The following CARMIL1 variants were observed in gnomAD, a reference collection of about 807,000 sequenced individuals.
The protein encoded by CARMIL1 is capping protein regulator and myosin 1 linker 1.
A neutral mutation model predicts 177.1 loss-of-function variants in CARMIL1; 90 were observed. That is an observed-to-expected ratio of 0.51 (90% CI 0.43 to 0.61). CARMIL1 has a LOEUF of 0.61. CARMIL1 is among the 20% of genes least tolerant of loss of function. CARMIL1 has a pLI of 0.00. For synonymous variants in CARMIL1, 577 were observed against 606.2 expected (o/e 0.95, Z 0.71); for missense variants, 1,380 against 1,667.0 (o/e 0.83, Z 3.00).
chr6:25,606,066 A>G lies in CARMIL1; in HGVS notation c.3640A>G (p.Lys1214Glu). ...ERSDGGGAVP[K>E]LHPGLPENRF... ...AGTGGCCTTTTTCATCTTAGTGCCT[A>G]AACTGCACCCAGGTCTTCCAGAGAA... is the stretch of plus-strand genomic sequence containing the variant. Residue 1214 changes from lysine to glutamate, a missense_variant, in exon 35 of 37, where the codon AAA (lysine) becomes GAA (glutamate). Physicochemically the swap from Lys to Glu is moderately conservative, Grantham distance 56. Transcript: ENST00000329474. 6.2e-7 allele frequency: 1 copy of G among 1,612,580 alleles called. No homozygotes were observed. The highest frequency in any genetic ancestry group is 8.5e-7 in the Non-Finnish European group (1 of 1,179,208).
chr6:25,539,008 G>A (rs1447970118), intron 25 of CARMIL1, among the ~76,000 whole-genome samples: 1 of 151,968 alleles, frequency 6.6e-6, no homozygotes, highest in East Asian at 1.9e-4. Flanking sequence ...TATACCTGCA[G>A]AACTCCCCCG....
At chr6:25,550,107 G>A (rs928529253) in intron 26 of CARMIL1, among the ~76,000 whole-genome samples, 7 of 152,256 alleles carry the variant, frequency 4.6e-5, no homozygotes, top group African/African-American at 9.6e-5. Context: ...CTTTCCAACC[G>A]TATCACCCAT....
chr6:25,317,043 G>T (rs1004416226), intron 2 of CARMIL1, among the ~76,000 whole-genome samples: 3 of 152,160 alleles, frequency 2.0e-5, no homozygotes, highest in Admixed American at 6.5e-5. Flanking sequence ...AAAACTAAAA[G>T]GTGTCACTGA....
At chr6:25,563,125 C>T (rs937932385) in intron 29 of CARMIL1, 4 of 564,020 alleles carry the variant, frequency 7.1e-6, no homozygotes, top group Admixed American at 6.3e-5. Context: ...GATTTAATGG[C>T]TCCTGGGTAT....
intron 2 of CARMIL1, among the ~76,000 whole-genome samples, chr6:25,289,523 G>A (rs1310465564): frequency 6.6e-6 from 1 of 152,106 alleles, no homozygotes; most frequent in Non-Finnish European, 1.5e-5. Flanking sequence ...CCAGGATACT[G>A]ACATTGATTG....
At chr6:25,536,809 C>G (rs1251249401) in intron 24 of CARMIL1, among the ~76,000 whole-genome samples, 3 of 152,108 alleles carry the variant, frequency 2.0e-5, no homozygotes, top group Non-Finnish European at 4.4e-5. Flanking sequence ...TCAAATAATT[C>G]AAAATAGAGA....
intron 8 of CARMIL1, among the ~76,000 whole-genome samples, chr6:25,456,756 T>G (rs1799567505): frequency 6.6e-6 from 1 of 152,206 alleles, no homozygotes; most frequent in African/African-American, 2.4e-5. Context: ...TAAGAGGAGC[T>G]AATCCCATCA....
chr6:25,446,921 C>T (rs1798291504), intron 5 of CARMIL1, among the ~76,000 whole-genome samples: 1 of 152,160 alleles, frequency 6.6e-6, no homozygotes, highest in Non-Finnish European at 1.5e-5. Context: ...GTCAGTGGAG[C>T]AGTGAGATCA....
intron 4 of CARMIL1, among the ~76,000 whole-genome samples, chr6:25,427,338 C>A (rs188217394): frequency 1.4e-3 from 218 of 152,188 alleles, no homozygotes; most frequent in Non-Finnish European, 2.7e-3. Context: ...CCTCCCCCAA[C>A]CCCAGTTTAA....
intron 32 of CARMIL1, among the ~76,000 whole-genome samples, chr6:25,598,560 CCT>C (rs1249211797): frequency 6.6e-6 from 1 of 152,070 alleles, no homozygotes; most frequent in Non-Finnish European, 1.5e-5. Flanking sequence ...TTTTTTATTT[CCT>C]CTGTTAATCC....
chr6:25,453,526 T>C (rs963076899), intron 8 of CARMIL1, among the ~76,000 whole-genome samples: 1 of 152,196 alleles, frequency 6.6e-6, no homozygotes, highest in Non-Finnish European at 1.5e-5. Flanking sequence ...GATATTAAAA[T>C]GTTTGTACTC....
At chr6:25,607,864 T>C (rs908397784) in intron 35 of CARMIL1, among the ~76,000 whole-genome samples, 1 of 152,170 alleles carries the variant, frequency 6.6e-6, no homozygotes, top group African/African-American at 2.4e-5. Flanking sequence ...GTGTACTGGC[T>C]TTACCTCAAG....
At chr6:25,581,145 T>C in intron 30 of CARMIL1, 98 bp from the exon 31 acceptor site, 1 of 1,318,618 alleles carries the variant, frequency 7.6e-7, no homozygotes, top group Non-Finnish European at 1.1e-6. Flanking sequence ...TGCTATTCTA[T>C]GCTAGACTTA....
chr6:25,583,346 G>A (rs886803006), intron 31 of CARMIL1, among the ~76,000 whole-genome samples: 1 of 152,084 alleles, frequency 6.6e-6, no homozygotes, highest in Non-Finnish European at 1.5e-5. Context: ...AACTCTCCAT[G>A]GAGGCCCCAC....
At chr6:25,510,850 T>G in intron 20 of CARMIL1, 88 bp downstream of exon 20, 1 of 748,222 alleles carries the variant, frequency 1.3e-6, no homozygotes, top group South Asian at 1.9e-5. Flanking sequence ...CTGAAATACT[T>G]TCAGATAGTT....
In CARMIL1 at chr6:25,611,943, TA is replaced by T. The variant is rs1243304985; in HGVS notation, c.3979+1765del. Among the ~76,000 whole-genome samples the T allele has an allele frequency of 2.0e-5, 3 of 152,210 alleles. No homozygotes were observed. In the East Asian group the frequency reaches 5.8e-4, roughly 29 times the overall value. On this transcript the variant is annotated intron_variant, in intron 36 of 36. Coordinates refer to ENST00000329474, the MANE Select transcript of CARMIL1 (RefSeq NM_017640.6). ...GTTAGAAATAGAATGTGTTCCTCCT[TA>T]AATGTTTCAGAGCTTTAGGGGTATA... is the stretch of plus-strand genomic sequence containing the variant.
Position 25,351,724 on chromosome 6 carries a change from A to G in CARMIL1, c.138+66815A>G, listed in dbSNP as rs115291200. Among the ~76,000 whole-genome samples the G allele has an allele frequency of 3.6e-3, 541 of 152,300 alleles. 3 individuals carry two copies. Among genetic ancestry groups the G allele is most frequent in the African/African-American group, 0.012 (483 of 41,564 alleles). On this transcript the variant is annotated intron_variant, in intron 2 of 36. Transcript: ENST00000329474. ...AGCCCAGCTACTTGACCTTGGGTCA[A>G]TTATTTTAACCTCCCTGAGCCTCGT...
intron 20 of CARMIL1, among the ~76,000 whole-genome samples, chr6:25,511,684 C>T (rs391544): frequency 0.44 from 66,383 of 152,022 alleles, 14,892 homozygotes; most frequent in Middle Eastern, 0.52. Context: ...CAAATTCTAT[C>T]ACAGCTTTAA....
chr6:25,485,166 T>G (rs1802505669), intron 12 of CARMIL1, among the ~76,000 whole-genome samples: 1 of 152,226 alleles, frequency 6.6e-6, no homozygotes, highest in South Asian at 2.1e-4. Flanking sequence ...AGGGCAAGTT[T>G]GGTTCTGAGG....
Sources: allele counts gnomAD v4.1 joint callset (sites outside exome capture counted in the v4.1 genomes callset), GRCh38; gene constraint gnomAD v4.1.1; transcripts MANE v1.5; gene names NCBI Gene and HGNC (gene_info 2026-07-23, HGNC 2026-07-21).